PRR16: variants seen among roughly 807,000 people sequenced by gnomAD.
PRR16 encodes the protein proline rich 16, also known as protein Largen.
PRR16 carries 6 observed loss-of-function variants against 18.2 expected under a neutral mutation model. The observed-to-expected ratio is 0.33, with a 90% CI of 0.18 to 0.65. The LOEUF (loss-of-function observed/expected upper bound fraction) is 0.65. PRR16 is among the 30% of genes least tolerant of loss of function. The probability of loss-of-function intolerance (pLI) is 0.74; values close to 1 mark genes in which losing one functional copy is unlikely to be tolerated. For synonymous variants in PRR16, 151 were observed against 147.8 expected, an observed-to-expected ratio of 1.02 and a Z score of -0.16; for missense variants, 412 against 376.6, an observed-to-expected ratio of 1.09 and a Z score of -0.78.
At chr5:120,722,976 A>G in the PRR16 span, among the ~76,000 whole-genome samples, 1 of 151,622 alleles carries the variant, frequency 6.6e-6, no homozygotes, top group Non-Finnish European at 1.5e-5. Context: ...ATAATAAGCT[A>G]TAAACTTTTA....
chr5:120,591,136 G>A (rs559319755), intron 1 of PRR16, among the ~76,000 whole-genome samples: 33 of 151,922 alleles, frequency 2.2e-4, no homozygotes, highest in Admixed American at 3.9e-4. Flanking sequence ...AATATTAGCC[G>A]GGTGTGGTGG....
chr5:120,528,439 A>G (rs1294893925), intron 1 of PRR16, among the ~76,000 whole-genome samples: 1 of 152,192 alleles, frequency 6.6e-6, no homozygotes, highest in African/African-American at 2.4e-5. Context: ...CAACTTTGCC[A>G]TATTCTGGTG....
intron 1 of PRR16, among the ~76,000 whole-genome samples, chr5:120,647,636 A>G (rs1473173194): frequency 6.6e-6 from 1 of 152,082 alleles, no homozygotes; most frequent in Non-Finnish European, 1.5e-5. Flanking sequence ...AATCTCTGAA[A>G]GAGTTACTCA....
chr5:120,780,190 A>T, the PRR16 span, among the ~76,000 whole-genome samples: 4 of 152,188 alleles, frequency 2.6e-5, no homozygotes, highest in African/African-American at 9.6e-5. Context: ...CAAAAACATC[A>T]CATCCTACCA....
chr5:120,766,466 G>A, the PRR16 span, among the ~76,000 whole-genome samples: 1 of 151,538 alleles, frequency 6.6e-6, no homozygotes, highest in Non-Finnish European at 1.5e-5. Context: ...GATGCACATA[G>A]TTTTGACACA....
intron 1 of PRR16, among the ~76,000 whole-genome samples, chr5:120,529,937 T>G (rs1187085858): frequency 6.6e-6 from 1 of 151,762 alleles, no homozygotes; most frequent in Non-Finnish European, 1.5e-5. Context: ...ATTAACTTTT[T>G]TACTATGCAA....
intron 1 of PRR16, among the ~76,000 whole-genome samples, chr5:120,510,216 C>T (rs546719399): frequency 1.3e-5 from 2 of 152,242 alleles, no homozygotes; most frequent in African/African-American, 4.8e-5. Flanking sequence ...TGATTTACAC[C>T]TGTCTCTGAA....
At chr5:120,612,370 T>A (rs1186500575) in intron 1 of PRR16, among the ~76,000 whole-genome samples, 1 of 152,024 alleles carries the variant, frequency 6.6e-6, no homozygotes, top group African/African-American at 2.4e-5. Context: ...GGGCCAGGGG[T>A]GGAATGATAT....
intron 1 of PRR16, among the ~76,000 whole-genome samples, chr5:120,614,098 G>A (rs1754425066): frequency 6.6e-6 from 1 of 152,106 alleles, no homozygotes; most frequent in African/African-American, 2.4e-5. Flanking sequence ...AAATCTGATG[G>A]CTTAATACAG....
the PRR16 span, among the ~76,000 whole-genome samples, chr5:120,770,926 A>ACTCTCTCTCTCTCTCTCTCTCTCT: frequency 1.1e-4 from 15 of 131,372 alleles, no homozygotes; most frequent in African/African-American, 4.5e-4. Flanking sequence ...TCATTGGAAC[A>ACTCTCTCTCTCTCTCTCTCTCTCT]CTCTCTCTCT....
intron 1 of PRR16, among the ~76,000 whole-genome samples, chr5:120,594,363 C>T (rs147416678): frequency 1.1e-4 from 16 of 151,746 alleles, no homozygotes; most frequent in African/African-American, 3.6e-4. Flanking sequence ...ACAGTAGCCA[C>T]AAAAAAATAA....
At position 120,481,210 on chromosome 5, in the gene PRR16, C is replaced by G. The variant is rs770049251; in HGVS notation, c.159+16565C>G. ...TTGCCCAGGCTAGAGTGCAATGGCACAATCTGGGCTCACTGCAACCTCTGC... is the reference window on the plus strand; with the variant it reads ...TTGCCCAGGCTAGAGTGCAATGGCAGAATCTGGGCTCACTGCAACCTCTGC... On this transcript the variant is annotated intron_variant, in intron 1 of 1. Coordinates refer to ENST00000407149, the MANE Select transcript of PRR16 (RefSeq NM_001300783.2). The G allele has an allele frequency of 4.2e-6, 3 of 722,460 alleles. No homozygotes were observed. Among genetic ancestry groups the G allele is most frequent in the Middle Eastern group, 1.0e-3 (2 of 1,972 alleles). The allele number at this position is 722,460 out of a possible 1,614,324, so 44.8% of individuals were successfully genotyped here. A position where few individuals can be genotyped will look rare whatever the true frequency, so the allele number is the denominator to read the frequency against.
intron 1 of PRR16, among the ~76,000 whole-genome samples, chr5:120,569,861 T>A (rs1332658546): frequency 1.3e-5 from 2 of 151,952 alleles, no homozygotes. Flanking sequence ...ATACAGAAAA[T>A]AATTGAGATA....
intron 1 of PRR16, among the ~76,000 whole-genome samples, chr5:120,475,132 CT>C (rs1240119933): frequency 6.6e-6 from 1 of 152,086 alleles, no homozygotes; most frequent in Non-Finnish European, 1.5e-5. Context: ...CATAGCCACC[CT>C]TTGAGGTACC....
Position 120,464,595 on chromosome 5 carries a change from T to G in PRR16, c.109T>G (p.Leu37Val). Reference sequence around the variant, plus strand: ...ACAGATCAAGATCATCGTGGAGGATTTGGAATTAGTCCTGGGCGACCTGAA... The same window carrying G: ...ACAGATCAAGATCATCGTGGAGGATGTGGAATTAGTCCTGGGCGACCTGAA... ...KEQIKIIVEDLELVLGDLKDV... is the reference protein window; with the variant it reads ...KEQIKIIVEDVELVLGDLKDV... The change falls in exon 1 of 2, where the codon TTG (leucine) becomes GTG (valine). Residue 37 changes from leucine to valine, a missense_variant. Leu to Val is a conservative substitution (Grantham distance 32). Coordinates refer to ENST00000407149, the MANE Select transcript of PRR16 (RefSeq NM_001300783.2). 1 of 1,582,042 alleles carries G rather than the reference T, an allele frequency of 6.3e-7. No homozygotes were observed. The highest frequency in any genetic ancestry group is 8.5e-7 in the Non-Finnish European group (1 of 1,172,178).
At chr5:120,580,755 T>A (rs2112754175) in intron 1 of PRR16, among the ~76,000 whole-genome samples, 1 of 152,266 alleles carries the variant, frequency 6.6e-6, no homozygotes, top group East Asian at 1.9e-4. Flanking sequence ...TTGAATTTTA[T>A]CAGAGAACTT....
the PRR16 span, among the ~76,000 whole-genome samples, chr5:120,768,132 A>T: frequency 1.3e-5 from 2 of 151,910 alleles, no homozygotes; most frequent in Non-Finnish European, 2.9e-5. Flanking sequence ...TCATTTGGTC[A>T]TATCACATAA....
chr5:120,604,899 T>A (rs1561569929), intron 1 of PRR16, among the ~76,000 whole-genome samples: 1 of 152,172 alleles, frequency 6.6e-6, no homozygotes. Flanking sequence ...CCTGAAAAAT[T>A]CACTGTTAGA....
At chr5:120,651,149 T>C (rs1755769374) in intron 1 of PRR16, among the ~76,000 whole-genome samples, 2 of 152,186 alleles carry the variant, frequency 1.3e-5, no homozygotes, top group South Asian at 4.1e-4. Flanking sequence ...TCTGTTCATA[T>C]CCTTCGCCCA....
Sources: allele counts gnomAD v4.1 joint callset (sites outside exome capture counted in the v4.1 genomes callset), GRCh38; gene constraint gnomAD v4.1.1; transcripts MANE v1.5; gene names NCBI Gene and HGNC (gene_info 2026-07-23, HGNC 2026-07-21).